SLC8A3: variants seen among roughly 807,000 people sequenced by gnomAD.
SLC8A3 encodes the protein solute carrier family 8 member A3, also known as sodium/calcium exchanger 3.
SLC8A3 carries 37 observed loss-of-function variants against 65.4 expected under a neutral mutation model. That is an observed-to-expected ratio of 0.57 (90% confidence interval 0.44 to 0.74). SLC8A3 has a LOEUF of 0.74. Ranked by LOEUF, SLC8A3 falls within the 30% of genes least tolerant of loss-of-function variation. The probability of loss-of-function intolerance (pLI) is 0.00; values close to 1 mark genes in which losing one functional copy is unlikely to be tolerated. For synonymous variants in SLC8A3, 461 were observed against 444.5 expected (o/e 1.04, Z -0.47); for missense variants, 1,112 against 1,172.1 (o/e 0.95, Z 0.75).
At chr14:70,067,929 A>T (rs1420439488) in intron 2 of SLC8A3, among the ~76,000 whole-genome samples, 3 of 152,204 alleles carry the variant, frequency 2.0e-5, no homozygotes, top group African/African-American at 7.2e-5. Context: ...TCCTAGAGCC[A>T]GTAATGCTGT....
intron 5 of SLC8A3, among the ~76,000 whole-genome samples, chr14:70,049,631 TA>T (rs113733392): frequency 0.12 from 18,220 of 148,066 alleles, 1,173 homozygotes; most frequent in African/African-American, 0.18. Context: ...AATGTATAAT[TA>T]AAAAAAAAAA....
rs779871539 is a variant in SLC8A3, at chr14:70,168,070, T to C, written c.353A>G (p.Asn118Ser). 23 of 1,613,996 alleles carry C rather than the reference T, an allele frequency of 1.4e-5. No individual in the cohort carries two copies. The highest frequency in any genetic ancestry group is 1.8e-5 in the Non-Finnish European group (21 of 1,180,018). Reference sequence around the variant, plus strand: ...AATAGTGGTTGTGCTGGTTTCTCCATTGGGTTTCTTAATTGTCACCTCCCT... The same window carrying C: ...AATAGTGGTTGTGCTGGTTTCTCCACTGGGTTTCTTAATTGTCACCTCCCT... ...QEREVTIKKPNGETSTTTIRV... is the reference protein window; with the variant it reads ...QEREVTIKKPSGETSTTTIRV... Residue 118 changes from asparagine (N) to serine (S), a missense_variant, in exon 2 of 7, where the codon AAT becomes AGT. By Grantham distance (46) the Asn-to-Ser change is conservative. Transcript: ENST00000356921.
In SLC8A3 at chr14:70,152,755, T is replaced by C. The variant is rs565812125; in HGVS notation, c.1784+13884A>G. On this transcript the variant is annotated intron_variant, in intron 2 of 6. Transcript: ENST00000356921. Reference sequence around the variant, plus strand: ...CTCATTTCAGAGGCATTCGGAAAAGTGCTGTGCAGAACTGCGTCCAATCTG... The same window carrying C: ...CTCATTTCAGAGGCATTCGGAAAAGCGCTGTGCAGAACTGCGTCCAATCTG... Among the ~76,000 whole-genome samples, 28 of 152,188 alleles carry C rather than the reference T, an allele frequency of 1.8e-4. 1 individual carries two copies. The highest frequency in any genetic ancestry group is 2.1e-4 in the Non-Finnish European group (14 of 68,028).
intron 2 of SLC8A3, among the ~76,000 whole-genome samples, chr14:70,111,654 G>A (rs1164920792): frequency 6.6e-6 from 1 of 152,202 alleles, no homozygotes; most frequent in Non-Finnish European, 1.5e-5. Flanking sequence ...CTTACTTTCT[G>A]TGATGTCAGT....
At chr14:70,139,017 A>G (rs1895399111) in intron 2 of SLC8A3, among the ~76,000 whole-genome samples, 1 of 152,182 alleles carries the variant, frequency 6.6e-6, no homozygotes, top group Admixed American at 6.5e-5. Flanking sequence ...CAATGTTGGC[A>G]ATTGGAGTGC....
At chr14:70,048,490 T>G in intron 6 of SLC8A3, 1 of 607,752 alleles carries the variant, frequency 1.6e-6, no homozygotes, top group East Asian at 2.7e-5. Context: ...TAACTTACCC[T>G]ATTTAATAGG....
chr14:70,187,863 G>C (rs1883462197), intron 1 of SLC8A3, among the ~76,000 whole-genome samples: 1 of 152,096 alleles, frequency 6.6e-6, no homozygotes, highest in African/African-American at 2.4e-5. Context: ...GCGTGCGTGC[G>C]TATGTGCACG....
chr14:70,123,798 T>C (rs1894245506), intron 2 of SLC8A3, among the ~76,000 whole-genome samples: 1 of 152,182 alleles, frequency 6.6e-6, no homozygotes. Context: ...TTTTACAAAG[T>C]AGTGTTATCC....
intron 1 of SLC8A3, among the ~76,000 whole-genome samples, chr14:70,182,886 G>A (rs115902375): frequency 1.3e-5 from 2 of 152,152 alleles, no homozygotes; most frequent in African/African-American, 4.8e-5. Context: ...GTAAGGCAAG[G>A]GTGAGCTCCT....
At chr14:70,113,518 C>CTA (rs1893452017) in intron 2 of SLC8A3, among the ~76,000 whole-genome samples, 1 of 152,198 alleles carries the variant, frequency 6.6e-6, no homozygotes, top group African/African-American at 2.4e-5. Flanking sequence ...ATGGCATTTG[C>CTA]CAAGTGTATT....
At chr14:70,122,693 A>G (rs1215378637) in intron 2 of SLC8A3, among the ~76,000 whole-genome samples, 1 of 152,162 alleles carries the variant, frequency 6.6e-6, no homozygotes. Context: ...ACAAACAAAC[A>G]AACAAAAAAA....
rs577769060 is a variant in SLC8A3, at chr14:70,106,667, C to A, written c.1785-45728G>T. On this transcript the variant is annotated intron_variant, in intron 2 of 6. Coordinates refer to ENST00000356921, the MANE Select transcript of SLC8A3 (RefSeq NM_182932.3). ...TGACCTCACTAGAGTAAACTGGGAA[C>A]CTCATCATGGAAGAAGATCTCAGAG... Among the ~76,000 whole-genome samples the A allele has an allele frequency of 1.7e-4, 26 of 152,206 alleles. No homozygotes were observed. The South Asian group carries it at 3.3e-3, about 19-fold the overall frequency.
intron 2 of SLC8A3, among the ~76,000 whole-genome samples, chr14:70,072,176 T>C (rs991685333): frequency 2.0e-5 from 3 of 152,228 alleles, no homozygotes; most frequent in Admixed American, 6.5e-5. Flanking sequence ...GGTTTATAAC[T>C]GGGCATCACA....
At chr14:70,061,573 A>G (rs1412306908) in intron 2 of SLC8A3, among the ~76,000 whole-genome samples, 1 of 151,966 alleles carries the variant, frequency 6.6e-6, no homozygotes, top group Non-Finnish European at 1.5e-5. Context: ...AGAGAAAGAG[A>G]GAGAGAGAGA....
chr14:70,048,800 C>T lies in SLC8A3; in HGVS notation c.2356G>A (p.Val786Ile), dbSNP rs764676267. The T allele has an allele frequency of 2.1e-5, 34 of 1,614,016 alleles. No individual in the cohort carries two copies. The Admixed American group carries it at 5.7e-4, about 27-fold the overall frequency. Residue 786 changes from valine to isoleucine, a missense_variant, in exon 6 of 7, where the codon GTT becomes ATT. Coordinates refer to ENST00000356921, the MANE Select transcript of SLC8A3 (RefSeq NM_182932.3). ...TIGLKDSVTA[V>I]VFVAFGTSVP... The stretch of plus-strand genomic sequence containing the variant: ...GAGGTGCCAAATGCCACGAAAACAA[C>T]AGCTGTGACTGAATCTTTGAGACCA...
intron 2 of SLC8A3, among the ~76,000 whole-genome samples, chr14:70,104,525 A>G (rs1255341538): frequency 6.6e-6 from 1 of 152,094 alleles, no homozygotes; most frequent in East Asian, 1.9e-4. Context: ...ATCCCTACTT[A>G]TCGCTGGTAA....
At chr14:70,183,146 A>G (rs1291968324) in intron 1 of SLC8A3, among the ~76,000 whole-genome samples, 2 of 152,184 alleles carry the variant, frequency 1.3e-5, no homozygotes, top group African/African-American at 2.4e-5. Context: ...TCTAGTCCCC[A>G]CATGACCCAG....
chr14:70,091,408 T>A (rs1891795707), intron 2 of SLC8A3, among the ~76,000 whole-genome samples: 3 of 152,324 alleles, frequency 2.0e-5, no homozygotes, highest in Admixed American at 2.0e-4. Context: ...TCTCTTTGCC[T>A]CTTCTCCCTT....
chr14:70,173,611 G>T (rs1355574012), intron 1 of SLC8A3, among the ~76,000 whole-genome samples: 1 of 152,144 alleles, frequency 6.6e-6, no homozygotes, highest in African/African-American at 2.4e-5. Flanking sequence ...CACTGCTCCG[G>T]GCATGTCACC....
Sources: gnomAD v4.1 joint callset for allele counts (sites outside exome capture counted in the v4.1 genomes callset) on GRCh38, gnomAD v4.1.1 for gene constraint, MANE v1.5 for transcripts, NCBI Gene and HGNC (gene_info 2026-07-23, HGNC 2026-07-21) for gene names.